USH2A: variants seen among roughly 807,000 people sequenced by gnomAD.
The protein encoded by USH2A is usherin, also known as Usher syndrome 2A (autosomal recessive, mild).
USH2A carries 443 observed loss-of-function variants against 538.9 expected under a neutral mutation model. The observed-to-expected ratio is 0.82, with a 90% CI of 0.76 to 0.89. USH2A has a LOEUF of 0.89. Among genes scored for constraint, USH2A ranks in the 40% least tolerant of loss-of-function variants. The probability of loss-of-function intolerance (pLI) is 0.00; values close to 1 mark genes in which losing one functional copy is unlikely to be tolerated. For missense variants in USH2A, 6,633 were observed against 6,324.8 expected, an observed-to-expected ratio of 1.05 and a Z score of -1.65; for synonymous variants, 2,413 against 2,273.5, an observed-to-expected ratio of 1.06 and a Z score of -1.75.
At chr1:216,320,311 C>T (rs896581270) in intron 9 of USH2A, among the ~76,000 whole-genome samples, 2 of 152,028 alleles carry the variant, frequency 1.3e-5, no homozygotes, top group Non-Finnish European at 2.9e-5. Flanking sequence ...TCACCAGAAA[C>T]CAAGCAGATG....
At chr1:215,959,503 G>T (rs1485953255) in intron 37 of USH2A, among the ~76,000 whole-genome samples, 1 of 151,994 alleles carries the variant, frequency 6.6e-6, no homozygotes, top group South Asian at 2.1e-4. Context: ...CCTGTTTGTT[G>T]TACCTCTCCA....
Position 215,993,061 on chromosome 1 carries a change from T to A in USH2A, c.6764A>T (p.Asp2255Val). 1 of 1,613,956 alleles carries A rather than the reference T, an allele frequency of 6.2e-7. No homozygotes were observed. Among genetic ancestry groups the A allele is most frequent in the Non-Finnish European group, 8.5e-7 (1 of 1,179,934 alleles). Reference protein sequence around the residue: ...PAPKAHSYSPDSFNVSWTEPE... With the variant: ...PAPKAHSYSPVSFNVSWTEPE... ...CTCAGTCCAGGAGACATTAAAGGAG[T>A]CAGGTGAATATGAGTGGGCTTTGGG... The change falls in exon 35 of 72, where the codon GAC (aspartate) becomes GTC (valine). Residue 2255 changes from aspartate (D) to valine (V), a missense_variant. Coordinates refer to ENST00000307340, the MANE Select transcript of USH2A (RefSeq NM_206933.4).
At chr1:215,866,978 G>T in intron 44 of USH2A, 29 bp downstream of exon 44, 1 of 1,614,002 alleles carries the variant, frequency 6.2e-7, no homozygotes, top group Non-Finnish European at 8.5e-7. Flanking sequence ...TACACAAAGT[G>T]TTAACACAGG....
At chr1:216,418,031 T>A (rs1042462129) in intron 3 of USH2A, among the ~76,000 whole-genome samples, 1 of 152,102 alleles carries the variant, frequency 6.6e-6, no homozygotes, top group South Asian at 2.1e-4. Context: ...ATAACACCTT[T>A]TGAGTGCCTC....
intron 21 of USH2A, among the ~76,000 whole-genome samples, chr1:216,150,692 G>A (rs928779723): frequency 5.9e-5 from 9 of 151,860 alleles, no homozygotes; most frequent in African/African-American, 1.9e-4. Flanking sequence ...GCCCTCCTTC[G>A]CACTTATTTA....
At chr1:215,839,249 A>T (rs1663610319) in intron 46 of USH2A, among the ~76,000 whole-genome samples, 1 of 152,342 alleles carries the variant, frequency 6.6e-6, no homozygotes, top group South Asian at 2.1e-4. Flanking sequence ...AATTAATGAA[A>T]ATGAACTTTA....
chr1:215,869,568 G>GAACC (rs1664571198), intron 43 of USH2A, among the ~76,000 whole-genome samples: 1 of 152,130 alleles, frequency 6.6e-6, no homozygotes, highest in South Asian at 2.1e-4. Context: ...CAAGGGAATT[G>GAACC]AACCAGCGAC....
chr1:216,213,298 A>G (rs908855013), intron 15 of USH2A, among the ~76,000 whole-genome samples: 12 of 152,236 alleles, frequency 7.9e-5, no homozygotes, highest in Admixed American at 3.9e-4. Flanking sequence ...AGTAAAGAAA[A>G]TCAACTTTCT....
chr1:216,418,407 C>A, intron 3 of USH2A, 107 bp downstream of exon 3: 1 of 1,305,644 alleles, frequency 7.7e-7, no homozygotes, highest in East Asian at 2.4e-5. Context: ...CACCTGAAAT[C>A]TAAAAGATAC....
intron 22 of USH2A, among the ~76,000 whole-genome samples, chr1:216,092,617 T>C (rs1480401300): frequency 6.6e-6 from 1 of 152,196 alleles, no homozygotes; most frequent in Non-Finnish European, 1.5e-5. Context: ...TGTCTAAAAA[T>C]GAGTGGGGCT....
At chr1:215,849,963 A>G (rs1449793264) in intron 44 of USH2A, among the ~76,000 whole-genome samples, 2 of 141,332 alleles carry the variant, frequency 1.4e-5, no homozygotes, top group African/African-American at 2.7e-5. Flanking sequence ...AAACATTTAG[A>G]GAACATAAAA....
intron 37 of USH2A, among the ~76,000 whole-genome samples, chr1:215,951,911 GCGGAC>G (rs1666928092): frequency 6.6e-6 from 1 of 151,080 alleles, no homozygotes; most frequent in Non-Finnish European, 1.5e-5. Flanking sequence ...AGGCTGGACT[GCGGAC>G]TGCAGTGGCG....
chr1:216,377,866 A>AGAAG (rs1380528153), intron 3 of USH2A, among the ~76,000 whole-genome samples: 16 of 141,888 alleles, frequency 1.1e-4, no homozygotes, highest in African/African-American at 4.0e-4. Flanking sequence ...AAAGAAAGAA[A>AGAAG]GAAGGAAAGA....
intron 67 of USH2A, among the ~76,000 whole-genome samples, chr1:215,647,141 C>T (rs1020245861): frequency 6.6e-6 from 1 of 152,184 alleles, no homozygotes; most frequent in Non-Finnish European, 1.5e-5. Context: ...CCTAATAGTG[C>T]TATGTCTCAA....
At chr1:216,107,539 T>C (rs1558262062) in intron 21 of USH2A, among the ~76,000 whole-genome samples, 1 of 130,460 alleles carries the variant, frequency 7.7e-6, no homozygotes, top group Non-Finnish European at 1.7e-5. Context: ...ACACCCTTTG[T>C]AAGTCTTGCT....
intron 41 of USH2A, among the ~76,000 whole-genome samples, chr1:215,887,925 A>G (rs1665106463): frequency 6.6e-6 from 1 of 152,248 alleles, no homozygotes. Context: ...AATGGTAGTT[A>G]TCCTGTCCAC....
intron 61 of USH2A, among the ~76,000 whole-genome samples, chr1:215,681,867 C>T (rs758616090): frequency 2.6e-5 from 4 of 152,172 alleles, no homozygotes; most frequent in Admixed American, 6.5e-5. Flanking sequence ...ATATTACACG[C>T]TAACCTCTTG....
chr1:216,253,820 C>T lies in USH2A; in HGVS notation c.1972-2722G>A, dbSNP rs1454194825. Among the ~76,000 whole-genome samples the T allele has an allele frequency of 3.3e-5, 5 of 152,284 alleles. No individual in the cohort carries two copies. The East Asian group carries it at 9.6e-4, about 29-fold the overall frequency. On this transcript the variant is annotated intron_variant, in intron 11 of 71. Transcript: ENST00000307340. ...AAAGAGGAATTAAATCATTACTTTG[C>T]AATTCATAATATCCCTTTAGTTTCC...
intron 49 of USH2A, among the ~76,000 whole-genome samples, chr1:215,809,324 A>G (rs1662592935): frequency 6.6e-6 from 1 of 152,178 alleles, no homozygotes; most frequent in Non-Finnish European, 1.5e-5. Flanking sequence ...ATACACATCT[A>G]CATGGCGAAA....
Sources: allele counts gnomAD v4.1 joint callset (sites outside exome capture counted in the v4.1 genomes callset), GRCh38; gene constraint gnomAD v4.1.1; transcripts MANE v1.5; gene names NCBI Gene and HGNC (gene_info 2026-07-23, HGNC 2026-07-21).